TTN: variants seen among roughly 807,000 people sequenced by gnomAD.
TTN encodes the protein connectin.
TTN carries 1,525 observed loss-of-function variants against 3,223.0 expected under a neutral mutation model. The ratio of observed to expected loss-of-function variants is 0.47; its 90% CI spans 0.45 to 0.49. The LOEUF (loss-of-function observed/expected upper bound fraction) is 0.49. Among genes scored for constraint, TTN ranks in the 20% least tolerant of loss-of-function variants. The pLI, the probability that TTN is intolerant of heterozygous loss-of-function variation, is 0.00. For synonymous variants in TTN, 14,094 were observed against 15,161.0 expected (o/e 0.93, Z 5.17); for missense variants, 40,786 against 43,424.0 (o/e 0.94, Z 5.40).
chr2:178,587,056 TA>T, intron 307 of TTN, 61 bp downstream of exon 307: 1 of 1,587,234 alleles, frequency 6.3e-7, no homozygotes, highest in Non-Finnish European at 8.6e-7. Flanking sequence ...ATGGTATTAG[TA>T]TCTTGACCTT....
At chr2:178,675,267 A>G (rs2067806845) in intron 149 of TTN, 154 bp from the exon 150 acceptor site, 3 of 497,520 alleles carry the variant, frequency 6.0e-6, no homozygotes, top group Non-Finnish European at 1.0e-5. Context: ...TAATGAGAAA[A>G]GAATAAAAAG....
At position 178,717,712 on chromosome 2, in the gene TTN, G is replaced by C; in HGVS notation, c.25162C>G (p.Pro8388Ala). 1 of 1,613,412 alleles carries C rather than the reference G, an allele frequency of 6.2e-7. No individual in the cohort carries two copies. Among genetic ancestry groups the C allele is most frequent in the Non-Finnish European group, 8.5e-7 (1 of 1,179,584 alleles). ...TCCTTGTACCAAGACACTTGAAGAG[G>C]TTCTGAGCCATTGATGCGGCATTCA... is the stretch of plus-strand genomic sequence containing the variant. ...AFECRINGSE[P>A]LQVSWYKDGV... The change falls in exon 87 of 363, where the codon CCT becomes GCT. Residue 8388 changes from proline (P) to alanine (A), a missense_variant. Coordinates refer to ENST00000589042, the MANE Select transcript of TTN (RefSeq NM_001267550.2).
At chr2:178,602,878 C>T (rs1559701852) in intron 282 of TTN, among the ~76,000 whole-genome samples, 1 of 151,956 alleles carries the variant, frequency 6.6e-6, no homozygotes, top group Non-Finnish European at 1.5e-5. Context: ...TAAAAAACTA[C>T]TTTACTTTTG....
intron 106 of TTN, among the ~76,000 whole-genome samples, chr2:178,703,041 C>A (rs1455407988): frequency 4.6e-5 from 7 of 152,154 alleles, no homozygotes; most frequent in Non-Finnish European, 8.8e-5. Context: ...TTTCTTGCCT[C>A]AGTAAAATAA....
At chr2:178,692,400 G>T in intron 120 of TTN, 97 bp downstream of exon 120, 1 of 1,096,404 alleles carries the variant, frequency 9.1e-7, no homozygotes, top group Non-Finnish European at 1.4e-6. Flanking sequence ...ATATATTATA[G>T]ATGGTTTACA....
At chr2:178,792,348 AATAAG>A (rs1248635446) in intron 9 of TTN, 151 bp from the exon 10 acceptor site, 32 of 785,878 alleles carry the variant, frequency 4.1e-5, no homozygotes, top group Admixed American at 3.5e-4. Context: ...CATGTTCATA[AATAAG>A]ATCATGCTCT....
In TTN at chr2:178,580,347, T is replaced by G. The variant is rs1022112057; in HGVS notation, c.67032A>C (p.Glu22344Asp). The change falls in exon 317 of 363, where the codon GAA becomes GAC. Residue 22344 changes from glutamate to aspartate, a missense_variant. Transcript: ENST00000589042. ...CAAGCACTTTCACAACAATGGTATA[T>G]TCCTTTTTACCACAGCTGTTCTCCA... Reference protein sequence around the residue: ...LTLENSCGKKEYTIVVKVLDT... With the variant: ...LTLENSCGKKDYTIVVKVLDT... 1 of 1,613,156 alleles carries G rather than the reference T, an allele frequency of 6.2e-7. No individual in the cohort carries two copies. Among genetic ancestry groups the G allele is most frequent in the East Asian group, 2.2e-5 (1 of 44,798 alleles).
chr2:178,712,137 G>C lies in TTN; in HGVS notation c.27693C>G (p.Thr9231=). 6.2e-7 allele frequency: 1 copy of C among 1,613,740 alleles called. No individual in the cohort carries two copies. The highest frequency in any genetic ancestry group is 1.1e-5 in the South Asian group (1 of 91,058). The change falls in exon 96 of 363, where the codon ACC becomes ACG. Residue 9231 remains threonine (T), a synonymous_variant. Coordinates refer to ENST00000589042, the MANE Select transcript of TTN (RefSeq NM_001267550.2). ...SASLQCQLAG[T]PEIGVSWYKG... ...TATACCAGGATACCCCAATTTCAGG[G>C]GTTCCAGCAAGCTGGCATTGTAGAG...
At position 178,580,532 on chromosome 2, in the gene TTN, C is replaced by T. The variant is rs554828165; in HGVS notation, c.66847G>A (p.Val22283Ile). Residue 22283 changes from valine (V) to isoleucine (I), a missense_variant, in exon 317 of 363, where the codon GTA becomes ATA. Physicochemically the swap from Val to Ile is conservative, Grantham distance 29. Transcript: ENST00000589042. ...LRAGVTMRLY[V>I]PVKGRPPPKI... ...GGAGGTGGGCGTCCTTTTACTGGTACATATAGTCTCATAGTAACTCCAGCA... is the reference window on the plus strand; with the variant it reads ...GGAGGTGGGCGTCCTTTTACTGGTATATATAGTCTCATAGTAACTCCAGCA... The T allele has an allele frequency of 1.4e-5, 23 of 1,612,788 alleles. No individual in the cohort carries two copies. In the South Asian group the frequency reaches 2.2e-4, roughly 15 times the overall value.
At position 178,526,684 on chromosome 2, in the gene TTN, A is replaced by G. The variant is rs1036905737; in HGVS notation, c.*328T>C. 4 of 198,516 alleles carry G rather than the reference A, an allele frequency of 2.0e-5. No individual in the cohort carries two copies. The highest frequency in any genetic ancestry group is 1.3e-4 in the South Asian group (1 of 7,490). 12.3% of individuals were successfully genotyped at this position (198,516 alleles called of 1,614,324 possible). On this transcript the variant is annotated 3_prime_UTR_variant, in exon 363 of 363. Transcript: ENST00000589042. Reference sequence around the variant, plus strand: ...AGGCACAAAGATTGATTAAATGTTGAGCAGGGTATTCGTTCCATAAGAAAC... The same window carrying G: ...AGGCACAAAGATTGATTAAATGTTGGGCAGGGTATTCGTTCCATAAGAAAC...
intron 49 of TTN, chr2:178,737,840 T>C (rs1292189586): frequency 9.6e-6 from 4 of 418,292 alleles, no homozygotes; most frequent in Non-Finnish European, 1.7e-5. Context: ...TGAGCTCATT[T>C]GATTACTTAA....
intron 292 of TTN, 112 bp from the exon 293 acceptor site, chr2:178,598,170 A>G (rs1576227874): frequency 3.9e-6 from 5 of 1,280,334 alleles, no homozygotes; most frequent in African/African-American, 1.5e-5. Context: ...CTCTGGGAAA[A>G]TTGTTGCTGG....
intron 43 of TTN, among the ~76,000 whole-genome samples, chr2:178,762,677 A>G (rs995134280): frequency 1.3e-5 from 2 of 152,214 alleles, no homozygotes; most frequent in African/African-American, 4.8e-5. Flanking sequence ...TTATTGTGTT[A>G]GTAGGATATT....
In TTN at chr2:178,552,331, CT is replaced by C; in HGVS notation, c.90568del (p.Ser30190ValfsTer100). The part of the protein sequence containing the change: ...FSKTENKITL[S>X]IKNAKKEHGG... ...ATGCTCCTTCTTGGCATTCTTAATA[CT>C]CAAAGTAATTTTGTTTTCAGTTTTA... is the stretch of plus-strand genomic sequence containing the variant. On this transcript the variant is annotated frameshift_variant, in exon 335 of 363. Coordinates refer to ENST00000589042, the MANE Select transcript of TTN (RefSeq NM_001267550.2). LOFTEE classifies it high-confidence loss of function. 6.2e-7 allele frequency: 1 copy of C among 1,604,456 alleles called. No individual in the cohort carries two copies. Among genetic ancestry groups the C allele is most frequent in the Non-Finnish European group, 8.5e-7 (1 of 1,176,352 alleles).
In TTN at chr2:178,533,102, C is replaced by T. The variant is rs1274115681; in HGVS notation, c.103513G>A (p.Glu34505Lys). Residue 34505 changes from glutamate (E) to lysine (K), a missense_variant, in exon 358 of 363, where the codon GAA (glutamate) becomes AAA (lysine). By Grantham distance (56) the Glu-to-Lys change is moderately conservative. Coordinates refer to ENST00000589042, the MANE Select transcript of TTN (RefSeq NM_001267550.2). ...GCCGGTTTATAAAGGACAGCAGCTT[C>T]TCTCAGAGCCTCTTTAGCTACCTGT... ...LTQVAKEALR[E>K]AAVLYKPAVS... 3 of 1,613,980 alleles carry T rather than the reference C, an allele frequency of 1.9e-6. No homozygotes were observed. Among genetic ancestry groups the T allele is most frequent in the Admixed American group, 1.7e-5 (1 of 60,014 alleles).
At position 178,720,553 on chromosome 2, in the gene TTN, T is replaced by C. The variant is rs746599694; in HGVS notation, c.23209A>G (p.Lys7737Glu). The change falls in exon 80 of 363, where the codon AAA (lysine) becomes GAA (glutamate). Residue 7737 changes from lysine to glutamate, a missense_variant. By Grantham distance (56) the Lys-to-Glu change is moderately conservative (BLOSUM62 1). Transcript: ENST00000589042. ...CTGTTTCTAACCTGCTTTCGATCTT[T>C]AACCCATACTACTTCAAATGGGGGA... Reference protein sequence around the residue: ...GTPPFEVVWVKDRKQVRNSKK... With the variant: ...GTPPFEVVWVEDRKQVRNSKK... 6.2e-7 allele frequency: 1 copy of C among 1,613,506 alleles called. No individual in the cohort carries two copies. The highest frequency in any genetic ancestry group is 2.2e-5 in the East Asian group (1 of 44,842).
intron 349 of TTN, 87 bp from the exon 350 acceptor site, chr2:178,541,671 G>A: frequency 7.7e-7 from 1 of 1,293,948 alleles, no homozygotes; most frequent in Non-Finnish European, 1.0e-6. Flanking sequence ...TTAGGTTTTG[G>A]TTGGTATTTT....
intron 49 of TTN, among the ~76,000 whole-genome samples, chr2:178,736,793 G>A (rs1391213234): frequency 6.6e-6 from 1 of 152,122 alleles, no homozygotes; most frequent in Non-Finnish European, 1.5e-5. Context: ...TCATGTACTT[G>A]GTTTTATGGA....
chr2:178,718,780 C>T lies in TTN; in HGVS notation c.24420G>A (p.Val8140=). The T allele has an allele frequency of 6.2e-7, 1 of 1,613,752 alleles. No individual in the cohort carries two copies. ...DFVTELELFE[V]QPLESGDYSC... is the part of the protein sequence containing the mutation. ...AATAGTCTCCACTTTCTAATGGCTGCACCTCAAACAACTCCAGTTCTGTGA... is the reference window on the plus strand; with the variant it reads ...AATAGTCTCCACTTTCTAATGGCTGTACCTCAAACAACTCCAGTTCTGTGA... The change falls in exon 84 of 363, where the codon GTG becomes GTA. Residue 8140 remains valine (V), a synonymous_variant. Coordinates refer to ENST00000589042, the MANE Select transcript of TTN (RefSeq NM_001267550.2).
Sources: gnomAD v4.1 joint callset for allele counts (sites outside exome capture counted in the v4.1 genomes callset) on GRCh38, gnomAD v4.1.1 for gene constraint, MANE v1.5 for transcripts, NCBI Gene and HGNC (gene_info 2026-07-23, HGNC 2026-07-21) for gene names.